The following KIAA1217 variants were observed in gnomAD, a reference collection of about 807,000 sequenced individuals.
The protein encoded by KIAA1217 is sickle tail protein homolog.
KIAA1217 carries 88 observed loss-of-function variants against 163.9 expected under a neutral mutation model. That is an observed-to-expected ratio of 0.54 (90% CI 0.45 to 0.64). The LOEUF (loss-of-function observed/expected upper bound fraction) is 0.64, where lower values mean the gene tolerates loss of function less well. Among genes scored for constraint, KIAA1217 ranks in the 30% least tolerant of loss-of-function variants. KIAA1217 has a pLI of 0.00. For synonymous variants in KIAA1217, 903 were observed against 923.1 expected (o/e 0.98, Z 0.39); for missense variants, 2,372 against 2,475.0 (o/e 0.96, Z 0.88).
chr10:24,025,767 T>C (rs1041576507), intron 2 of KIAA1217, among the ~76,000 whole-genome samples: 1 of 151,834 alleles, frequency 6.6e-6, no homozygotes, highest in African/African-American at 2.4e-5. Context: ...ACTTTTTTGG[T>C]ACTATTCTAA....
chr10:24,002,925 A>G (rs958936622), intron 1 of KIAA1217, among the ~76,000 whole-genome samples: 1 of 152,140 alleles, frequency 6.6e-6, no homozygotes, highest in African/African-American at 2.4e-5. Flanking sequence ...TTCCTGAGTT[A>G]CTTCACTTGG....
chr10:24,149,082 T>A (rs978389078), intron 2 of KIAA1217, among the ~76,000 whole-genome samples: 5 of 152,252 alleles, frequency 3.3e-5, no homozygotes, highest in African/African-American at 1.2e-4. Flanking sequence ...TAAAGTTTCC[T>A]GAATTTTACA....
chr10:24,473,732 T>C lies in KIAA1217; in HGVS notation c.1351T>C (p.Tyr451His), dbSNP rs778760499. ...GGAAATGCATATGGAACAATCACTG[T>C]ACAGACAGAAATCAAGGAAATATCC... The part of the protein sequence containing the change: ...QAEMHMEQSL[Y>H]RQKSRKYPDS... The change falls in exon 6 of 21, where the codon TAC (tyrosine) becomes CAC (histidine). Residue 451 changes from tyrosine (Y) to histidine (H), a missense_variant. Tyr to His is a moderately conservative substitution (Grantham distance 83). Coordinates refer to ENST00000376454, the MANE Select transcript of KIAA1217 (RefSeq NM_019590.5). 1.2e-6 allele frequency: 2 copies of C among 1,614,012 alleles called. No homozygotes were observed. Among genetic ancestry groups the C allele is most frequent in the Admixed American group, 3.3e-5 (2 of 60,008 alleles).
intron 1 of KIAA1217, among the ~76,000 whole-genome samples, chr10:23,915,455 G>A (rs1440782911): frequency 6.6e-6 from 1 of 152,110 alleles, no homozygotes; most frequent in Non-Finnish European, 1.5e-5. Context: ...ATTAGGAATA[G>A]AAAAAGGAGA....
chr10:23,997,601 C>T (rs1406943553), intron 1 of KIAA1217, among the ~76,000 whole-genome samples: 2 of 152,108 alleles, frequency 1.3e-5, no homozygotes, highest in Admixed American at 6.5e-5. Context: ...TATGTGAAAC[C>T]TTCTCTACCA....
intron 1 of KIAA1217, among the ~76,000 whole-genome samples, chr10:24,212,812 A>G (rs1178217122): frequency 1.3e-5 from 2 of 152,152 alleles, no homozygotes; most frequent in Admixed American, 1.3e-4. Context: ...TTATTTATTC[A>G]CGTTTGCATT....
intron 2 of KIAA1217, among the ~76,000 whole-genome samples, chr10:24,154,926 C>CAAAA (rs1250719385): frequency 1.6e-4 from 11 of 68,694 alleles, no homozygotes; most frequent in African/African-American, 5.6e-4. Context: ...GACTCCATGT[C>CAAAA]AAAAAAAAAA....
At chr10:23,730,108 A>G (rs1192405992) in intron 1 of KIAA1217, among the ~76,000 whole-genome samples, 3 of 152,018 alleles carry the variant, frequency 2.0e-5, no homozygotes, top group Non-Finnish European at 4.4e-5. Flanking sequence ...TCACTGTGTT[A>G]GCCAGGTTGG....
chr10:23,938,537 C>G (rs1258089633), intron 1 of KIAA1217, among the ~76,000 whole-genome samples: 1 of 151,700 alleles, frequency 6.6e-6, no homozygotes, highest in South Asian at 2.1e-4. Flanking sequence ...TAAAAAGATA[C>G]AAATTTTAAA....
intron 1 of KIAA1217, among the ~76,000 whole-genome samples, chr10:23,898,209 G>A (rs1463912882): frequency 1.3e-5 from 2 of 151,906 alleles, no homozygotes; most frequent in Non-Finnish European, 2.9e-5. Context: ...CTGGAACTCA[G>A]TTCTGTATAC....
chr10:23,798,955 A>G lies in KIAA1217; in HGVS notation c.-321+103721A>G, dbSNP rs533657940. ...AAAATATATTGTCTCACATTTCTGGAGGCTAGAAATTCAAGATTGAGATGT... is the reference window on the plus strand; with the variant it reads ...AAAATATATTGTCTCACATTTCTGGGGGCTAGAAATTCAAGATTGAGATGT... On this transcript the variant is annotated intron_variant, in intron 1 of 18. Transcript: ENST00000376462. Among the ~76,000 whole-genome samples the G allele has an allele frequency of 3.9e-5, 6 of 152,308 alleles. No individual in the cohort carries two copies. In the South Asian group the frequency reaches 1.2e-3, roughly 32 times the overall value.
chr10:24,356,012 G>T (rs1234117555), intron 2 of KIAA1217, among the ~76,000 whole-genome samples: 1 of 151,906 alleles, frequency 6.6e-6, no homozygotes, highest in East Asian at 1.9e-4. Context: ...CTCCCAAAGT[G>T]CTGGGATTAC....
At chr10:23,716,239 GAAC>G (rs1191602227) in intron 1 of KIAA1217, among the ~76,000 whole-genome samples, 1 of 152,068 alleles carries the variant, frequency 6.6e-6, no homozygotes, top group Non-Finnish European at 1.5e-5. Flanking sequence ...TGAAATAAAT[GAAC>G]AATAGCTTTA....
intron 5 of KIAA1217, among the ~76,000 whole-genome samples, chr10:24,460,307 T>C (rs976306160): frequency 2.0e-5 from 3 of 152,176 alleles, no homozygotes; most frequent in Non-Finnish European, 2.9e-5. Flanking sequence ...ACGTGAGAAT[T>C]TCCCCAGCTC....
intron 1 of KIAA1217, among the ~76,000 whole-genome samples, chr10:23,744,975 G>A (rs1839317233): frequency 6.6e-6 from 1 of 152,114 alleles, no homozygotes; most frequent in South Asian, 2.1e-4. Context: ...TGTATTCAAA[G>A]TTCACTGATT....
chr10:23,786,948 A>G (rs1835520855), intron 1 of KIAA1217, among the ~76,000 whole-genome samples: 1 of 152,208 alleles, frequency 6.6e-6, no homozygotes, highest in South Asian at 2.1e-4. Flanking sequence ...GCTGAATATG[A>G]CAATGAGAAA....
chr10:24,530,743 A>T (rs1040758717), intron 14 of KIAA1217, among the ~76,000 whole-genome samples: 2 of 152,118 alleles, frequency 1.3e-5, no homozygotes, highest in Admixed American at 6.6e-5. Flanking sequence ...TACAAAAATT[A>T]AAAAATCCGC....
chr10:23,818,004 TATATACACAC>T (rs1275854569), intron 1 of KIAA1217, among the ~76,000 whole-genome samples: 1 of 104,774 alleles, frequency 9.5e-6, no homozygotes, highest in African/African-American at 4.1e-5. Flanking sequence ...TATATATATA[TATATACACAC>T]ATATATATAC....
chr10:24,306,464 C>T (rs368128854), intron 2 of KIAA1217, among the ~76,000 whole-genome samples: 23 of 152,308 alleles, frequency 1.5e-4, no homozygotes, highest in Middle Eastern at 3.4e-3. Context: ...AACAATATCA[C>T]GGAACAATGA....
Sources: allele counts gnomAD v4.1 joint callset (sites outside exome capture counted in the v4.1 genomes callset), GRCh38; gene constraint gnomAD v4.1.1; transcripts MANE v1.5; gene names NCBI Gene and HGNC (gene_info 2026-07-23, HGNC 2026-07-21).